The following SEPTIN7 variants were observed in gnomAD, a reference collection of about 807,000 sequenced individuals.
SEPTIN7 encodes septin-7.
A neutral mutation model predicts 63.3 loss-of-function variants in SEPTIN7; 10 were observed. The observed-to-expected ratio is 0.16, with a 90% CI of 0.10 to 0.27. The LOEUF (loss-of-function observed/expected upper bound fraction) is 0.27. Ranked by LOEUF, SEPTIN7 falls within the 10% of genes least tolerant of loss-of-function variation. The pLI is 1.00. For synonymous variants in SEPTIN7, 131 were observed against 165.3 expected (o/e 0.79, Z 1.59); for missense variants, 310 against 521.0 (o/e 0.59, Z 3.94).
Position 35,903,146 on chromosome 7 carries a change from G to A in SEPTIN7, c.1205G>A (p.Arg402His), listed in dbSNP as rs765997248. ...AQHKELEEKR[R>H]QFEDEKANWE... ...CACAAAGAATTGGAGGAAAAACGTC[G>A]TCAGTTCGAGGATGAGAAAGCAAAC... is the stretch of plus-strand genomic sequence containing the variant. Residue 402 changes from arginine (R) to histidine (H), a missense_variant, in exon 13 of 14, where the codon CGT becomes CAT. Physicochemically the swap from Arg to His is conservative, Grantham distance 29 (BLOSUM62 0). Transcript: ENST00000350320. The A allele has an allele frequency of 2.4e-5, 38 of 1,600,670 alleles. 1 individual carries two copies. Among genetic ancestry groups the A allele is most frequent in the East Asian group, 1.3e-4 (6 of 44,484 alleles).
At chr7:35,864,578 TTGATTGTATAC>T (rs1785698570) in intron 4 of SEPTIN7, among the ~76,000 whole-genome samples, 1 of 152,216 alleles carries the variant, frequency 6.6e-6, no homozygotes, top group Non-Finnish European at 1.5e-5. Context: ...ATTTTTTATA[TTGATTGTATAC>T]TGCAGTGATA....
intron 10 of SEPTIN7, chr7:35,888,833 A>G: frequency 2.6e-6 from 1 of 390,830 alleles, no homozygotes; most frequent in Non-Finnish European, 5.0e-6. Flanking sequence ...CAAAAAAAAA[A>G]AAAAAAAAAA....
the SEPTIN7 span, among the ~76,000 whole-genome samples, chr7:35,914,927 CAT>C: frequency 6.6e-6 from 1 of 151,892 alleles, no homozygotes; most frequent in Non-Finnish European, 1.5e-5. Context: ...TGTATTTGCA[CAT>C]ATGTATATGC....
At chr7:35,878,589 T>C (rs1786624804) in intron 6 of SEPTIN7, among the ~76,000 whole-genome samples, 2 of 152,180 alleles carry the variant, frequency 1.3e-5, no homozygotes, top group African/African-American at 2.4e-5. Context: ...GTTATAGTTA[T>C]TCATTCCAAA....
chr7:35,903,197 A>G lies in SEPTIN7; in HGVS notation c.1256A>G (p.Glu419Gly). 6.3e-7 allele frequency: 1 copy of G among 1,593,492 alleles called. No homozygotes were observed. The highest frequency in any genetic ancestry group is 8.5e-7 in the Non-Finnish European group (1 of 1,172,332). ...ANWEAQQRIL[E>G]QQNSSRTLEK... ...TGGGAAGCTCAACAACGTATTTTAG[A>G]ACAACAGAACTCTTCAAGGTAACTA... The change falls in exon 13 of 14, where the codon GAA (glutamate) becomes GGA (glycine). Residue 419 changes from glutamate (E) to glycine (G), a missense_variant. Glu to Gly is a moderately conservative substitution (Grantham distance 98). This residue lies in a region of SEPTIN7 where 255 missense variants were observed against 490.5 expected (regional missense o/e 0.52). Transcript: ENST00000350320.
At chr7:35,824,009 CT>C (rs536161729) in intron 1 of SEPTIN7, among the ~76,000 whole-genome samples, 553 of 141,024 alleles carry the variant, frequency 3.9e-3, no homozygotes, top group East Asian at 6.9e-3. Context: ...AACCATCTGC[CT>C]TTTTTTTTTT....
Position 35,904,360 on chromosome 7 carries a change from G to C in SEPTIN7, c.*67G>C. The C allele has an allele frequency of 7.5e-7, 1 of 1,333,964 alleles. No individual in the cohort carries two copies. The allele number at this position is 1,333,964 out of a possible 1,614,324, so 82.6% of individuals were successfully genotyped here. ...GCCAGCTTGGACATCAGTGTTTGTTGGATCCGTTTGACCAATTTGCACCAG... is the reference window on the plus strand; with the variant it reads ...GCCAGCTTGGACATCAGTGTTTGTTCGATCCGTTTGACCAATTTGCACCAG... On this transcript the variant is annotated 3_prime_UTR_variant, in exon 14 of 14. Coordinates refer to ENST00000350320, the MANE Select transcript of SEPTIN7 (RefSeq NM_001788.6).
At chr7:35,846,215 T>C (rs1784658945) in intron 3 of SEPTIN7, among the ~76,000 whole-genome samples, 2 of 152,354 alleles carry the variant, frequency 1.3e-5, no homozygotes, top group South Asian at 4.1e-4. Context: ...ATGTCAGATT[T>C]TTAAAAGCTA....
intron 3 of SEPTIN7, among the ~76,000 whole-genome samples, chr7:35,844,469 T>C (rs1784557269): frequency 6.6e-6 from 1 of 152,252 alleles, no homozygotes; most frequent in Non-Finnish European, 1.5e-5. Context: ...TTTGTAAAAG[T>C]GCAGCAGCTG....
intron 4 of SEPTIN7, among the ~76,000 whole-genome samples, chr7:35,867,419 G>A (rs191509888): frequency 1.3e-5 from 2 of 152,238 alleles, no homozygotes; most frequent in African/African-American, 4.8e-5. Context: ...GCGCGATCTC[G>A]GTTCACTACA....
intron 3 of SEPTIN7, among the ~76,000 whole-genome samples, chr7:35,839,717 G>T (rs1258391937): frequency 1.3e-5 from 2 of 152,012 alleles, no homozygotes; most frequent in Non-Finnish European, 2.9e-5. Context: ...ATCACGCTCA[G>T]CTAATTTTTG....
intron 10 of SEPTIN7, chr7:35,888,759 G>A: frequency 4.4e-6 from 1 of 227,058 alleles, no homozygotes; most frequent in South Asian, 4.4e-5. Flanking sequence ...GGCAGAGATT[G>A]TAGTGAGCTG....
intron 4 of SEPTIN7, among the ~76,000 whole-genome samples, chr7:35,870,084 C>A (rs1419607421): frequency 6.6e-6 from 1 of 152,168 alleles, no homozygotes; most frequent in Admixed American, 6.5e-5. Flanking sequence ...ACAGTCGGAT[C>A]CTGTGAATGG....
chr7:35,893,130 A>C (rs545155964), intron 11 of SEPTIN7, among the ~76,000 whole-genome samples: 1 of 152,292 alleles, frequency 6.6e-6, no homozygotes, highest in South Asian at 2.1e-4. Flanking sequence ...AGCTCAGTAC[A>C]TATCCATGAA....
In SEPTIN7 at chr7:35,867,871, GT is replaced by G. The variant is rs1327560972; in HGVS notation, c.276+4225del. Among the ~76,000 whole-genome samples, 1,245 of 144,198 alleles carry G rather than the reference GT, an allele frequency of 8.6e-3. 17 individuals are homozygous for G. Among genetic ancestry groups the G allele is most frequent in the African/African-American group, 0.028 (1,096 of 39,672 alleles). The allele number at this position is 144,198 out of a possible 152,430, so 94.6% of individuals were successfully genotyped here. ...GAAACATTTTATTGGTCCATGAAGT[GT>G]TTTTTTTTTTTCTTTCCGAGATGGA... On this transcript the variant is annotated intron_variant, in intron 4 of 13. Transcript: ENST00000350320.
At chr7:35,864,154 T>C (rs542179821) in intron 4 of SEPTIN7, among the ~76,000 whole-genome samples, 2 of 152,044 alleles carry the variant, frequency 1.3e-5, no homozygotes, top group East Asian at 1.9e-4. Flanking sequence ...GATTTAAATA[T>C]AGTGTTCTAT....
At chr7:35,908,532 A>T (rs1427016320), downstream of SEPTIN7, among the ~76,000 whole-genome samples, 2 of 152,140 alleles carry the variant, frequency 1.3e-5, no homozygotes, top group African/African-American at 4.8e-5. Context: ...GACCTGCCGA[A>T]ATCGAATGCC....
intron 3 of SEPTIN7, among the ~76,000 whole-genome samples, chr7:35,836,956 A>G (rs917114495): frequency 2.0e-5 from 3 of 152,128 alleles, no homozygotes; most frequent in Non-Finnish European, 4.4e-5. Context: ...TAATGACTTC[A>G]CAACATTGGG....
intron 3 of SEPTIN7, among the ~76,000 whole-genome samples, chr7:35,844,865 A>G (rs568724505): frequency 1.6e-4 from 25 of 152,296 alleles, no homozygotes; most frequent in African/African-American, 5.5e-4. Flanking sequence ...AGCTGGGATT[A>G]CAGGTATGAG....
Sources: gnomAD v4.1 joint callset for allele counts (sites outside exome capture counted in the v4.1 genomes callset) on GRCh38, gnomAD v4.1.1 for gene constraint, gnomAD v4.1.1 regional missense constraint, MANE v1.5 for transcripts, NCBI Gene and HGNC (gene_info 2026-07-23, HGNC 2026-07-21) for gene names.